PARG: variants seen among roughly 807,000 people sequenced by gnomAD.
PARG encodes the protein poly(ADP-ribose) glycohydrolase, also known as mitochondrial poly(ADP-ribose) glycohydrolase.
Under a neutral mutation model 113.0 loss-of-function variants are expected in PARG, and 35 were observed. That is an observed-to-expected ratio of 0.31 (90% CI 0.24 to 0.41). The LOEUF (loss-of-function observed/expected upper bound fraction) is 0.41. PARG is among the 10% of genes least tolerant of loss of function. The pLI is 1.00. For synonymous variants in PARG, 330 were observed against 409.9 expected, an observed-to-expected ratio of 0.81 and a Z score of 2.36; for missense variants, 797 against 1,169.4, an observed-to-expected ratio of 0.68 and a Z score of 4.64.
chr10:49,937,024 T>C (rs1282355412), intron 1 of PARG, among the ~76,000 whole-genome samples: 1 of 152,202 alleles, frequency 6.6e-6, no homozygotes, highest in Non-Finnish European at 1.5e-5. Context: ...ACTTCCACGA[T>C]TTTATTTAGC....
At position 49,920,511 on chromosome 10, in the gene PARG, CAT is replaced by C. The variant is rs1158539513; in HGVS notation, c.1662+1823_1662+1824del. Among the ~76,000 whole-genome samples, 119 of 105,922 alleles carry C rather than the reference CAT, an allele frequency of 1.1e-3. 1 individual carries two copies. The South Asian group carries it at 0.021, about 18-fold the overall frequency. The allele number at this position is 105,922 out of a possible 152,430, so 69.5% of individuals were successfully genotyped here. ...ATATATATATATACACACACACACA[CAT>C]ATATATGTATATACATGTATATATA... On this transcript the variant is annotated intron_variant, in intron 6 of 17. Coordinates refer to ENST00000616448, the MANE Select transcript of PARG (RefSeq NM_003631.5).
At chr10:49,823,855 G>A (rs899344195) in intron 16 of PARG, among the ~76,000 whole-genome samples, 3 of 151,854 alleles carry the variant, frequency 2.0e-5, no homozygotes, top group Non-Finnish European at 4.4e-5. Context: ...TCTCTTTATA[G>A]AATTTATTTT....
rs186546127 is a variant in PARG at position 49,904,892 on chromosome 10, C to A, written c.1737+11025G>T. ...GATCATGCCACTGTACTCCAACCTG[C>A]GCAACAGACCAAGAGAACATCTCAA... On this transcript the variant is annotated intron_variant, in intron 7 of 17. Transcript: ENST00000616448. Among the ~76,000 whole-genome samples, 55 of 150,928 alleles carry A rather than the reference C, an allele frequency of 3.6e-4. No homozygotes were observed. The East Asian group carries it at 0.01, about 28-fold the overall frequency.
At chr10:49,837,242 T>C (rs1844985101) in intron 15 of PARG, among the ~76,000 whole-genome samples, 1 of 152,172 alleles carries the variant, frequency 6.6e-6, no homozygotes, top group Admixed American at 6.5e-5. Context: ...TTTTCAATTA[T>C]TAACTGGTGA....
At chr10:49,899,876 G>T (rs1370910288) in intron 7 of PARG, among the ~76,000 whole-genome samples, 1 of 152,100 alleles carries the variant, frequency 6.6e-6, no homozygotes, top group Non-Finnish European at 1.5e-5. Flanking sequence ...GGGAAATACT[G>T]ATAAAAATCA....
At chr10:49,844,550 G>A (rs1328739044) in intron 13 of PARG, among the ~76,000 whole-genome samples, 1 of 151,648 alleles carries the variant, frequency 6.6e-6, no homozygotes. Context: ...TTGAACCTGG[G>A]AGGCAGAGGT....
chr10:49,919,155 G>A (rs1303499536), intron 6 of PARG, among the ~76,000 whole-genome samples: 1 of 152,060 alleles, frequency 6.6e-6, no homozygotes, highest in Non-Finnish European at 1.5e-5. Context: ...TGGCCAGGAT[G>A]GTCTCAAACT....
At chr10:49,870,370 C>A (rs1313236051) in intron 9 of PARG, among the ~76,000 whole-genome samples, 5 of 151,930 alleles carry the variant, frequency 3.3e-5, no homozygotes, top group Admixed American at 6.6e-5. Context: ...GCCTCCAGAA[C>A]CATGAGAAAA....
At chr10:49,829,485 AT>A (rs1844548157) in intron 16 of PARG, among the ~76,000 whole-genome samples, 1 of 152,078 alleles carries the variant, frequency 6.6e-6, no homozygotes, top group Admixed American at 6.6e-5. Context: ...TTTTTATAAG[AT>A]TTTTTTGTTA....
chr10:49,820,233 C>T lies in PARG; in HGVS notation c.2708G>A (p.Gly903Glu). The T allele has an allele frequency of 6.5e-7, 1 of 1,544,622 alleles. No individual in the cohort carries two copies. Among genetic ancestry groups the T allele is most frequent in the Non-Finnish European group, 8.8e-7 (1 of 1,140,488 alleles). The change falls in exon 17 of 18, where the codon GGG becomes GAG. Residue 903 changes from glycine (G) to glutamate (E), a missense_variant. Gly to Glu is a moderately conservative substitution (Grantham distance 98). Coordinates refer to ENST00000616448, the MANE Select transcript of PARG (RefSeq NM_003631.5). ...AATGTCTCTCATCAATTCTGAGTCC[C>T]CAAAGGTGAAATAAACCACATCTCG... Reference protein sequence around the residue: ...AERDVVYFTFGDSELMRDIYS... With the variant: ...AERDVVYFTFEDSELMRDIYS...
chr10:49,820,004 G>A (rs1042995899), intron 17 of PARG, among the ~76,000 whole-genome samples, 161 bp downstream of exon 17: 1 of 152,170 alleles, frequency 6.6e-6, no homozygotes, highest in African/African-American at 2.4e-5. Flanking sequence ...AGAACAAAAA[G>A]ACTCTGCAAA....
chr10:49,865,886 T>A (rs1176203364), intron 10 of PARG, among the ~76,000 whole-genome samples: 4 of 151,466 alleles, frequency 2.6e-5, no homozygotes, highest in South Asian at 4.2e-4. Flanking sequence ...ATGCCACAGA[T>A]TTAAAAAGGA....
At chr10:49,937,320 C>A (rs1370745464) in intron 1 of PARG, among the ~76,000 whole-genome samples, 8 of 151,990 alleles carry the variant, frequency 5.3e-5, no homozygotes, top group Non-Finnish European at 8.8e-5. Context: ...ACTAAAGATA[C>A]AAAAAATTAG....
At chr10:49,858,880 C>CT (rs782614427) in intron 12 of PARG, among the ~76,000 whole-genome samples, 1 of 152,090 alleles carries the variant, frequency 6.6e-6, no homozygotes, top group Non-Finnish European at 1.5e-5. Flanking sequence ...CAAATATTTA[C>CT]TGAGTATTGT....
chr10:49,833,250 T>C (rs1318106117), intron 15 of PARG: 1 of 158,362 alleles, frequency 6.3e-6, no homozygotes, highest in Non-Finnish European at 1.4e-5. Flanking sequence ...AGGATCCCAA[T>C]TATAAACTAC....
At chr10:49,836,273 T>C (rs1844918553) in intron 15 of PARG, among the ~76,000 whole-genome samples, 1 of 151,246 alleles carries the variant, frequency 6.6e-6, no homozygotes, top group African/African-American at 2.4e-5. Context: ...ATACTGATTT[T>C]CTGAGGTTTT....
chr10:49,869,422 C>T (rs1846683993), intron 10 of PARG, 54 bp downstream of exon 10: 1 of 697,036 alleles, frequency 1.4e-6, no homozygotes, highest in African/African-American at 1.8e-5. Context: ...TGTCACTTGA[C>T]TTGAACTGTT....
chr10:49,931,973 C>A (rs1392119336), intron 4 of PARG, 127 bp downstream of exon 4: 1 of 647,564 alleles, frequency 1.5e-6, no homozygotes, highest in African/African-American at 1.8e-5. Flanking sequence ...CTGTAGAATT[C>A]TCAGTATTTT....
At chr10:49,852,818 G>A (rs1554834434) in intron 13 of PARG, among the ~76,000 whole-genome samples, 1 of 150,362 alleles carries the variant, frequency 6.7e-6, no homozygotes, top group Non-Finnish European at 1.5e-5. Flanking sequence ...CCCTGCCTCG[G>A]CCTCCCAAAG....
Sources: allele counts gnomAD v4.1 joint callset (sites outside exome capture counted in the v4.1 genomes callset), GRCh38; gene constraint gnomAD v4.1.1; transcripts MANE v1.5; gene names NCBI Gene and HGNC (gene_info 2026-07-23, HGNC 2026-07-21).